WIPF3: variants seen among roughly 807,000 people sequenced by gnomAD.
WIPF3 encodes the protein WAS/WASL interacting protein family member 3, also known as WAS/WASL-interacting protein family member 3.
In WIPF3, 33 loss-of-function variants were observed where a neutral mutation model predicts 38.9. The observed-to-expected ratio is 0.85, with a 90% CI of 0.64 to 1.14. The LOEUF (loss-of-function observed/expected upper bound fraction) is 1.14, where lower values mean the gene tolerates loss of function less well. Among genes scored for constraint, WIPF3 ranks in the 50% most tolerant of loss-of-function variants. The pLI is 0.00. For missense variants in WIPF3, 711 were observed against 652.5 expected (o/e 1.09, Z -0.98); for synonymous variants, 324 against 269.3 (o/e 1.20, Z -1.99).
At chr7:29,851,175 C>T (rs939216784) in intron 2 of WIPF3, among the ~76,000 whole-genome samples, 1 of 152,190 alleles carries the variant, frequency 6.6e-6, no homozygotes, top group Non-Finnish European at 1.5e-5. Context: ...TCACCTTCTG[C>T]TTCTGTGCCA....
At chr7:29,888,423 A>G (rs1428189709) in intron 6 of WIPF3, among the ~76,000 whole-genome samples, 1 of 152,088 alleles carries the variant, frequency 6.6e-6, no homozygotes, top group African/African-American at 2.4e-5. Context: ...TTCAAGGCCC[A>G]CTGTCTAGCC....
At chr7:29,855,295 C>T (rs1022314409) in intron 2 of WIPF3, among the ~76,000 whole-genome samples, 2 of 152,176 alleles carry the variant, frequency 1.3e-5, no homozygotes, top group African/African-American at 4.8e-5. Context: ...GTCGTACTTG[C>T]TTTGTTTTGC....
intron 7 of WIPF3, among the ~76,000 whole-genome samples, chr7:29,900,347 C>A (rs1255891347): frequency 6.6e-6 from 1 of 152,182 alleles, no homozygotes; most frequent in African/African-American, 2.4e-5. Flanking sequence ...TTGCTCTTAA[C>A]AATCTTGAAA....
Position 29,884,540 on chromosome 7 carries a change from C to T in WIPF3, c.1046C>T (p.Pro349Leu), listed in dbSNP as rs374006288. ...KAGAQALPAP[P>L]APPGSQPFLQ... ...GGTGCGCAGGCCTTGCCCGCCCCGC[C>T]TGCCCCTCCGGGCTCCCAGCCGTTC... The change falls in exon 5 of 9, where the codon CCT becomes CTT. Residue 349 changes from proline (P) to leucine (L), a missense_variant. Coordinates refer to ENST00000242140, the MANE Select transcript of WIPF3 (RefSeq NM_001080529.3). 6 of 1,599,258 alleles carry T rather than the reference C, an allele frequency of 3.8e-6. No homozygotes were observed. In the African/African-American group the frequency reaches 5.4e-5, roughly 14 times the overall value.
At chr7:29,813,184 T>C (rs1467911922) in intron 1 of WIPF3, among the ~76,000 whole-genome samples, 2 of 152,178 alleles carry the variant, frequency 1.3e-5, no homozygotes, top group Non-Finnish European at 2.9e-5. Flanking sequence ...CTCTATCCCA[T>C]TGCCGTTACT....
At chr7:29,888,365 C>G in intron 6 of WIPF3, 148 bp downstream of exon 6, 1 of 1,035,932 alleles carries the variant, frequency 9.7e-7, no homozygotes, top group Non-Finnish European at 1.4e-6. Flanking sequence ...CACCAACCAG[C>G]CCATAGGTTC....
Position 29,878,964 on chromosome 7 carries a change from A to G in WIPF3, c.224-45A>G. 1 of 1,557,554 alleles carries G rather than the reference A, an allele frequency of 6.4e-7. No homozygotes were observed. Among genetic ancestry groups the G allele is most frequent in the Non-Finnish European group, 8.7e-7 (1 of 1,143,426 alleles). Reference sequence around the variant, plus strand: ...GGTCTGAAATGAGACCTGGCTGCTCAGCTCTGCTCTCAAGTCCTTGCCTAT... The same window carrying G: ...GGTCTGAAATGAGACCTGGCTGCTCGGCTCTGCTCTCAAGTCCTTGCCTAT... On this transcript the variant is annotated intron_variant, in intron 3 of 8. Transcript: ENST00000242140. The surrounding 1 kb of genome is among the most constrained non-coding windows in gnomAD (Gnocchi z 4.0).
At chr7:29,822,562 A>G (rs1457334672) in intron 1 of WIPF3, among the ~76,000 whole-genome samples, 2 of 152,066 alleles carry the variant, frequency 1.3e-5, no homozygotes, top group Admixed American at 1.3e-4. Flanking sequence ...ACCCTTTTCC[A>G]TTATTCTAAA....
At chr7:29,840,679 T>C (rs1362314546) in intron 2 of WIPF3, among the ~76,000 whole-genome samples, 1 of 152,220 alleles carries the variant, frequency 6.6e-6, no homozygotes, top group East Asian at 1.9e-4. Context: ...GAAAGCATGG[T>C]AAGAAAGACT....
chr7:29,903,063 C>T (rs1286277590), intron 7 of WIPF3, among the ~76,000 whole-genome samples: 3 of 151,864 alleles, frequency 2.0e-5, no homozygotes, highest in African/African-American at 7.3e-5. Flanking sequence ...GAGGCAAAGG[C>T]GGGAGGATCA....
At chr7:29,907,694 C>T (rs539426905) in intron 8 of WIPF3, among the ~76,000 whole-genome samples, 6 of 152,270 alleles carry the variant, frequency 3.9e-5, no homozygotes, top group South Asian at 2.1e-4. Flanking sequence ...TAGCAGACAG[C>T]GAGCCCTCAC....
intron 8 of WIPF3, among the ~76,000 whole-genome samples, chr7:29,912,278 A>G (rs1208727307): frequency 1.3e-5 from 2 of 152,198 alleles, no homozygotes; most frequent in Admixed American, 6.5e-5. Context: ...ACAAAATAAC[A>G]AGTGGTGGCA....
At chr7:29,848,984 GT>G (rs1241818075) in intron 2 of WIPF3, among the ~76,000 whole-genome samples, 1 of 152,142 alleles carries the variant, frequency 6.6e-6, no homozygotes, top group Non-Finnish European at 1.5e-5. Flanking sequence ...CAAGGAAGGA[GT>G]TATGTAGCAT....
At chr7:29,904,241 G>T (rs540603310) in intron 7 of WIPF3, 45 bp from the exon 8 acceptor site, 6 of 1,588,256 alleles carry the variant, frequency 3.8e-6, no homozygotes, top group Middle Eastern at 3.3e-4. Flanking sequence ...ATGCACACCC[G>T]GTCCCTGGGC....
chr7:29,818,094 C>T (rs769740281), intron 1 of WIPF3, among the ~76,000 whole-genome samples: 3 of 152,164 alleles, frequency 2.0e-5, no homozygotes, highest in Non-Finnish European at 4.4e-5. Context: ...TGTTTATATA[C>T]AGGGATACTT....
intron 1 of WIPF3, among the ~76,000 whole-genome samples, chr7:29,829,434 G>C (rs1784681171): frequency 6.6e-6 from 1 of 151,960 alleles, no homozygotes; most frequent in South Asian, 2.1e-4. Flanking sequence ...GGCCAGGCTG[G>C]TTTGGAACTC....
chr7:29,853,510 C>T (rs1453489510), intron 2 of WIPF3, among the ~76,000 whole-genome samples: 2 of 152,218 alleles, frequency 1.3e-5, no homozygotes, highest in Non-Finnish European at 2.9e-5. Flanking sequence ...CCTAAAGCCC[C>T]AGGGCAGTCA....
intron 2 of WIPF3, among the ~76,000 whole-genome samples, chr7:29,864,535 T>G (rs1785353213): frequency 6.6e-6 from 1 of 152,220 alleles, no homozygotes; most frequent in South Asian, 2.1e-4. Flanking sequence ...AAGACAATAC[T>G]TTTAGGGTTA....
At chr7:29,895,748 G>A (rs913765470) in intron 7 of WIPF3, among the ~76,000 whole-genome samples, 1 of 152,146 alleles carries the variant, frequency 6.6e-6, no homozygotes, top group Non-Finnish European at 1.5e-5. Context: ...AGAGTGTTTG[G>A]AGGAGGTGCC....
Sources: allele counts gnomAD v4.1 joint callset (sites outside exome capture counted in the v4.1 genomes callset), GRCh38; gene constraint gnomAD v4.1.1; non-coding constraint Gnocchi (gnomAD v3.1); transcripts MANE v1.5; gene names NCBI Gene and HGNC (gene_info 2026-07-23, HGNC 2026-07-21).